Variants in CCSER1 observed in about 807,000 individuals in gnomAD.
The protein encoded by CCSER1 is serine-rich coiled-coil domain-containing protein 1.
Under a neutral mutation model 82.0 loss-of-function variants are expected in CCSER1, and 41 were observed. The ratio of observed to expected loss-of-function variants is 0.50; its 90% CI spans 0.39 to 0.65. The LOEUF (loss-of-function observed/expected upper bound fraction) is 0.65, where lower values mean the gene tolerates loss of function less well. Among genes scored for constraint, CCSER1 ranks in the 30% least tolerant of loss-of-function variants. The pLI is 0.00. For synonymous variants in CCSER1, 414 were observed against 383.9 expected (o/e 1.08, Z -0.92); for missense variants, 1,119 against 1,064.2 (o/e 1.05, Z -0.72).
intron 5 of CCSER1, among the ~76,000 whole-genome samples, chr4:90,564,739 G>GT (rs1456344028): frequency 6.7e-6 from 1 of 149,636 alleles, no homozygotes; most frequent in Non-Finnish European, 1.5e-5. Context: ...TCTTCTTCAT[G>GT]TGGATACCCA....
At chr4:91,272,914 G>A (rs1742148043) in intron 10 of CCSER1, among the ~76,000 whole-genome samples, 1 of 152,052 alleles carries the variant, frequency 6.6e-6, no homozygotes, top group African/African-American at 2.4e-5. Context: ...TAAGTATTTG[G>A]TTTTATTTCT....
intron 8 of CCSER1, among the ~76,000 whole-genome samples, chr4:90,882,557 G>C (rs910439624): frequency 2.0e-5 from 3 of 152,060 alleles, no homozygotes; most frequent in South Asian, 2.1e-4. Context: ...GTGTGAAAAT[G>C]CTTTTAAAAC....
At chr4:90,579,031 T>A (rs181440148) in intron 5 of CCSER1, among the ~76,000 whole-genome samples, 1 of 55,984 alleles carries the variant, frequency 1.8e-5, no homozygotes, top group Non-Finnish European at 2.9e-5. Context: ...AAAGCTTGAC[T>A]TTTTTTAATC....
chr4:91,177,767 C>T (rs945209836), intron 10 of CCSER1, among the ~76,000 whole-genome samples: 5 of 152,130 alleles, frequency 3.3e-5, no homozygotes, highest in Non-Finnish European at 7.4e-5. Context: ...AAAAAACAAT[C>T]TCCTGGATTC....
chr4:91,152,210 T>G (rs1730289537), intron 10 of CCSER1, among the ~76,000 whole-genome samples: 2 of 152,210 alleles, frequency 1.3e-5, no homozygotes, highest in Non-Finnish European at 2.9e-5. Flanking sequence ...GTTGAATTGA[T>G]CCCTTTACCA....
intron 10 of CCSER1, among the ~76,000 whole-genome samples, chr4:91,149,249 T>C (rs1729874452): frequency 6.6e-6 from 1 of 152,246 alleles, no homozygotes; most frequent in Admixed American, 6.5e-5. Flanking sequence ...TGAGCATTTG[T>C]TCATGTGTCT....
intron 8 of CCSER1, among the ~76,000 whole-genome samples, chr4:90,836,090 A>AT (rs1761768277): frequency 6.6e-6 from 1 of 152,168 alleles, no homozygotes; most frequent in Non-Finnish European, 1.5e-5. Context: ...CTAGCATGAG[A>AT]TTTTTGATAT....
At chr4:91,583,576 G>A (rs1046184375) in intron 10 of CCSER1, among the ~76,000 whole-genome samples, 1 of 151,438 alleles carries the variant, frequency 6.6e-6, no homozygotes, top group Non-Finnish European at 1.5e-5. Flanking sequence ...GAAAATAAAA[G>A]TTTAAAGCAT....
At chr4:90,538,825 A>G (rs778976518) in intron 5 of CCSER1, among the ~76,000 whole-genome samples, 19 of 152,240 alleles carry the variant, frequency 1.2e-4, no homozygotes, top group Admixed American at 2.6e-4. Context: ...ATAATGAGAA[A>G]TATAATGGTG....
rs553045687 is a variant in CCSER1 at position 91,462,770 on chromosome 4, C to T, written c.2218-135802C>T. Among the ~76,000 whole-genome samples the T allele has an allele frequency of 5.3e-5, 8 of 152,270 alleles. No homozygotes were observed. The South Asian group carries it at 6.2e-4, about 12-fold the overall frequency. On this transcript the variant is annotated intron_variant, in intron 10 of 10. Transcript: ENST00000509176. ...GGAGCCTCGCTCATTGCTAGCACAG[C>T]AGTCAGAGATCGAACTGCAAGGCAG...
At chr4:90,615,216 A>T (rs1259873071) in intron 5 of CCSER1, among the ~76,000 whole-genome samples, 2 of 152,288 alleles carry the variant, frequency 1.3e-5, no homozygotes, top group East Asian at 1.9e-4. Context: ...AAGCATTCTG[A>T]TGGAGAGGTA....
intron 8 of CCSER1, among the ~76,000 whole-genome samples, chr4:90,841,596 A>G (rs993953122): frequency 4.1e-4 from 62 of 151,432 alleles, no homozygotes; most frequent in Admixed American, 1.8e-3. Context: ...AAAAAAAAAA[A>G]AAGAAGAAGA....
chr4:91,380,439 G>A (rs1750793418), intron 10 of CCSER1, among the ~76,000 whole-genome samples: 1 of 152,068 alleles, frequency 6.6e-6, no homozygotes, highest in Admixed American at 6.6e-5. Context: ...TCCTGTATTG[G>A]GTGCATATAT....
chr4:91,450,341 T>G (rs1346135990), intron 10 of CCSER1, among the ~76,000 whole-genome samples: 1 of 152,100 alleles, frequency 6.6e-6, no homozygotes, highest in East Asian at 1.9e-4. Flanking sequence ...GACATCTGAT[T>G]ATAAAACCTC....
Position 90,974,730 on chromosome 4 carries a change from G to A in CCSER1, c.2172+51283G>A, listed in dbSNP as rs577468530. Among the ~76,000 whole-genome samples, 30 of 151,420 alleles carry A rather than the reference G, an allele frequency of 2.0e-4. No homozygotes were observed. In the South Asian group the frequency reaches 6.0e-3, roughly 30 times the overall value. On this transcript the variant is annotated intron_variant, in intron 9 of 10. Coordinates refer to ENST00000509176, the MANE Select transcript of CCSER1 (RefSeq NM_001145065.2). ...AAAAAGATAGGCAAGTACAACTTTT[G>A]GCAGGTATGTGGAGAAATCCCTCCT...
chr4:90,464,473 C>T (rs114198844), intron 4 of CCSER1, among the ~76,000 whole-genome samples: 1,785 of 152,230 alleles, frequency 0.012, 15 homozygotes, highest in South Asian at 0.022. Flanking sequence ...GTTTAGTGAC[C>T]CTGATCTTGG....
chr4:90,191,280 G>A (rs1369184979), intron 1 of CCSER1, among the ~76,000 whole-genome samples: 1 of 151,868 alleles, frequency 6.6e-6, no homozygotes, highest in East Asian at 1.9e-4. Flanking sequence ...TAACTGCATT[G>A]TAACAATCTG....
At chr4:90,437,606 T>C (rs1759217216) in intron 4 of CCSER1, among the ~76,000 whole-genome samples, 1 of 152,176 alleles carries the variant, frequency 6.6e-6, no homozygotes, top group African/African-American at 2.4e-5. Flanking sequence ...ATAATGCATA[T>C]AATGTGGTCA....
chr4:90,221,633 T>G (rs183780924), intron 1 of CCSER1, among the ~76,000 whole-genome samples: 7 of 152,320 alleles, frequency 4.6e-5, no homozygotes, highest in African/African-American at 1.4e-4. Flanking sequence ...TGTATCTCTA[T>G]TTCTTAAAAA....
Sources: gnomAD v4.1 joint callset for allele counts (sites outside exome capture counted in the v4.1 genomes callset) on GRCh38, gnomAD v4.1.1 for gene constraint, MANE v1.5 for transcripts, NCBI Gene and HGNC (gene_info 2026-07-23, HGNC 2026-07-21) for gene names.